Variants in LRRC9 observed in about 807,000 individuals in gnomAD.
LRRC9 encodes the protein leucine-rich repeat-containing protein 9.
Under a neutral mutation model 63.2 loss-of-function variants are expected in LRRC9, and 122 were observed. The observed-to-expected ratio is 1.93, with a 90% confidence interval of 1.67 to 2.24. The LOEUF (loss-of-function observed/expected upper bound fraction) is 2.24, where lower values mean the gene tolerates loss of function less well. Among genes scored for constraint, LRRC9 ranks in the 30% most tolerant of loss-of-function variants. LRRC9 has a pLI of 0.00. For missense variants in LRRC9, 1,071 were observed against 627.7 expected, an observed-to-expected ratio of 1.71 and a Z score of -7.55; for synonymous variants, 366 against 213.1, an observed-to-expected ratio of 1.72 and a Z score of -6.25.
At chr14:59,920,707 A>G (rs1888698710) in intron 1 of LRRC9, among the ~76,000 whole-genome samples, 1 of 151,826 alleles carries the variant, frequency 6.6e-6, no homozygotes, top group Non-Finnish European at 1.5e-5. Flanking sequence ...CTGGGCAGAG[A>G]AAAAAAAAGT....
At position 59,964,196 on chromosome 14, in the gene LRRC9, G is replaced by A. The variant is rs1884616841; in HGVS notation, c.1212-2393G>A. ...GAATGTAATTTGGAAGGTAACAAAT[G>A]GCTGCAAAGGCTTTTGTTTTGTTTT... On this transcript the variant is annotated intron_variant, in intron 10 of 31. Transcript: ENST00000445360. The surrounding 1 kb of genome is among the most constrained non-coding windows in gnomAD (Gnocchi z 4.4). 6.6e-6 allele frequency among the ~76,000 whole-genome samples: 1 copy of A among 152,100 alleles called. No individual in the cohort carries two copies. The highest frequency in any genetic ancestry group is 1.5e-5 in the Non-Finnish European group (1 of 68,006).
chr14:59,961,919 G>A (rs568475190), intron 10 of LRRC9, among the ~76,000 whole-genome samples: 69 of 152,200 alleles, frequency 4.5e-4, no homozygotes, highest in Non-Finnish European at 8.2e-4. Context: ...CAGGAGACAT[G>A]TCAAACTATA....
chr14:59,937,219 G>T (rs1205903360), intron 6 of LRRC9, among the ~76,000 whole-genome samples: 1 of 114,812 alleles, frequency 8.7e-6, no homozygotes, highest in African/African-American at 3.3e-5. Context: ...AAAAAAAAAA[G>T]CCAAATAGAA....
At chr14:59,940,188 G>T (rs1881608704) in intron 7 of LRRC9, among the ~76,000 whole-genome samples, 1 of 151,936 alleles carries the variant, frequency 6.6e-6, no homozygotes, top group African/African-American at 2.4e-5. Context: ...CTTAAATTAA[G>T]TCATTATATT....
At chr14:60,026,094 C>T (rs1272285845) in intron 27 of LRRC9, among the ~76,000 whole-genome samples, 1 of 151,870 alleles carries the variant, frequency 6.6e-6, no homozygotes, top group Non-Finnish European at 1.5e-5. Flanking sequence ...CTTTTTCTAG[C>T]AATAGTACTG....
exon 14 of LRRC9, chr14:59,977,332 C>T (rs1459928173): frequency 2.0e-5 from 14 of 688,450 alleles, no homozygotes; most frequent in Admixed American, 8.7e-5. Flanking sequence ...GTTCATTCCT[C>T]GGAAATATTT....
rs1342733324 is a variant in LRRC9, at chr14:59,930,626, T to C, written c.268-292T>C. Among the ~76,000 whole-genome samples, 1 of 151,284 alleles carries C rather than the reference T, an allele frequency of 6.6e-6. No individual in the cohort carries two copies. The highest frequency in any genetic ancestry group is 1.5e-5 in the Non-Finnish European group (1 of 67,524). On this transcript the variant is annotated intron_variant, in intron 3 of 31. Coordinates refer to ENST00000445360, the Ensembl canonical transcript of LRRC9. The surrounding 1 kb of genome is among the most constrained non-coding windows in gnomAD (Gnocchi z 4.9). ...CATAATCATTTCTATATGATTATAA[T>C]CATAACCATATAGAAATATGATATG...
intron 1 of LRRC9, among the ~76,000 whole-genome samples, chr14:59,925,916 T>C (rs942111673): frequency 2.6e-5 from 4 of 152,178 alleles, no homozygotes; most frequent in Admixed American, 1.3e-4. Context: ...ATGGGGGCAG[T>C]TTCCCCCATG....
chr14:60,005,778 G>A (rs1292994962), intron 21 of LRRC9, among the ~76,000 whole-genome samples: 1 of 152,086 alleles, frequency 6.6e-6, no homozygotes, highest in East Asian at 1.9e-4. Context: ...CACAAACCTA[G>A]TAGTGATATA....
intron 8 of LRRC9, among the ~76,000 whole-genome samples, chr14:59,948,398 G>A (rs1047926625): frequency 5.0e-5 from 7 of 140,540 alleles, no homozygotes; most frequent in African/African-American, 1.9e-4. Context: ...TCAGCTTAAG[G>A]AGATTTTGGG....
chr14:60,022,043 G>T lies in LRRC9; in HGVS notation c.3567-691G>T, dbSNP rs566656722. Among the ~76,000 whole-genome samples, 4 of 151,816 alleles carry T rather than the reference G, an allele frequency of 2.6e-5. No individual in the cohort carries two copies. The South Asian group carries it at 6.2e-4, about 24-fold the overall frequency. On this transcript the variant is annotated intron_variant, in intron 26 of 31. Coordinates refer to ENST00000445360, the Ensembl canonical transcript of LRRC9. ...TGGGGGGGATGTCTTCTGGGCTTTT[G>T]ATAGAGATTGTATTAAATGAATCTA... is the stretch of plus-strand genomic sequence containing the variant.
exon 8 of LRRC9, chr14:59,944,715 G>A (rs1373988249): frequency 3.0e-6 from 2 of 674,180 alleles, no homozygotes; most frequent in Middle Eastern, 2.4e-4. Context: ...AGAAGAACGA[G>A]TAAAATTATT....
intron 23 of LRRC9, among the ~76,000 whole-genome samples, chr14:60,012,561 C>T (rs1489375315): frequency 3.9e-5 from 6 of 152,110 alleles, no homozygotes; most frequent in Non-Finnish European, 8.8e-5. Flanking sequence ...AAATGACTTA[C>T]CAGTTTAATT....
chr14:59,972,802 A>G (rs1165662361), intron 12 of LRRC9, among the ~76,000 whole-genome samples: 1 of 152,172 alleles, frequency 6.6e-6, no homozygotes, highest in Non-Finnish European at 1.5e-5. Context: ...TGGATACAGT[A>G]GAAGTACATC....
chr14:59,934,074 T>A (rs1889927666), intron 6 of LRRC9, among the ~76,000 whole-genome samples: 1 of 151,682 alleles, frequency 6.6e-6, no homozygotes. Flanking sequence ...GAAAACCCAG[T>A]CAGGAGATTC....
rs182434522 is a variant in LRRC9, at chr14:60,008,791, A to T, written c.3186+577A>T. On this transcript the variant is annotated intron_variant, in intron 23 of 31. Coordinates refer to ENST00000445360, the Ensembl canonical transcript of LRRC9. Reference sequence around the variant, plus strand: ...CAAATGTGTAAAGAGTAAAAGGTTTATGGTGTAATGTTGCCTAGCTCCTGT... The same window carrying T: ...CAAATGTGTAAAGAGTAAAAGGTTTTTGGTGTAATGTTGCCTAGCTCCTGT... 3.9e-5 allele frequency among the ~76,000 whole-genome samples: 6 copies of T among 152,302 alleles called. No homozygotes were observed. The East Asian group carries it at 1.2e-3, about 29-fold the overall frequency.
At chr14:60,035,768 AT>A (rs1196325809) in intron 29 of LRRC9, among the ~76,000 whole-genome samples, 3 of 152,124 alleles carry the variant, frequency 2.0e-5, no homozygotes, top group African/African-American at 7.2e-5. Flanking sequence ...TTGAAGTCAC[AT>A]TGTGTGATGT....
rs148045794 is a variant in LRRC9 at position 60,013,782 on chromosome 14, A to T, written c.3187-2878A>T. On this transcript the variant is annotated intron_variant, in intron 23 of 31. Transcript: ENST00000445360. ...ATCTTTTTCCATTCTTTTACTTTCA[A>T]CCTGCATATATTATTATATTCGAAG... Among the ~76,000 whole-genome samples the T allele has an allele frequency of 3.3e-5, 5 of 151,738 alleles. No homozygotes were observed. The East Asian group carries it at 9.7e-4, about 29-fold the overall frequency.
At chr14:60,022,413 T>A (rs1294466857) in intron 26 of LRRC9, among the ~76,000 whole-genome samples, 2 of 151,850 alleles carry the variant, frequency 1.3e-5, no homozygotes. Context: ...ATTTTCTAAA[T>A]ACAGGATCAT....
Sources: allele counts gnomAD v4.1 joint callset (sites outside exome capture counted in the v4.1 genomes callset), GRCh38; gene constraint gnomAD v4.1.1; non-coding constraint Gnocchi (gnomAD v3.1); transcripts MANE v1.5; gene names NCBI Gene and HGNC (gene_info 2026-07-23, HGNC 2026-07-21).